Variants in EML4 observed in about 807,000 individuals in gnomAD.
The protein encoded by EML4 is EMAP like 4, also known as echinoderm microtubule-associated protein-like 4.
EML4 carries 72 observed loss-of-function variants against 129.0 expected under a neutral mutation model. The ratio of observed to expected loss-of-function variants is 0.56; its 90% confidence interval spans 0.46 to 0.68. The LOEUF is 0.68. EML4 is among the 30% of genes least tolerant of loss of function. The pLI is 0.00. For synonymous variants in EML4, 532 were observed against 405.0 expected (o/e 1.31, Z -3.77); for missense variants, 1,363 against 1,190.6 (o/e 1.14, Z -2.13).
intron 1 of EML4, 150 bp from the exon 2 acceptor site, chr2:42,245,355 C>G (rs1675329939): frequency 2.9e-6 from 2 of 682,344 alleles, no homozygotes; most frequent in Non-Finnish European, 2.4e-6. Flanking sequence ...CTTGGCCCCT[C>G]AAAGTTCTGG....
At chr2:42,269,548 T>G (rs1489178424) in intron 6 of EML4, among the ~76,000 whole-genome samples, 1 of 152,174 alleles carries the variant, frequency 6.6e-6, no homozygotes, top group African/African-American at 2.4e-5. Context: ...GAAGGTGATA[T>G]ATATGAGGAA....
intron 1 of EML4, among the ~76,000 whole-genome samples, chr2:42,190,376 G>A (rs1302871217): frequency 2.6e-5 from 4 of 152,068 alleles, no homozygotes; most frequent in South Asian, 2.1e-4. Context: ...CAAAAGAAAC[G>A]GTAGGGTTTG....
chr2:42,247,860 C>G lies in EML4; in HGVS notation c.208+2173C>G, dbSNP rs1448075786. Among the ~76,000 whole-genome samples the G allele has an allele frequency of 2.0e-5, 3 of 151,964 alleles. No homozygotes were observed. The East Asian group carries it at 5.8e-4, about 29-fold the overall frequency. ...TAAGCTTTGTATAGAGAGGGAAGAA[C>G]AAATTTCCTATATATAATATACAGA... On this transcript the variant is annotated intron_variant, in intron 2 of 22. Coordinates refer to ENST00000318522, the MANE Select transcript of EML4 (RefSeq NM_019063.5).
rs115998134 is a variant in EML4, at chr2:42,247,922, C to G, written c.208+2235C>G. On this transcript the variant is annotated intron_variant, in intron 2 of 22. Transcript: ENST00000318522. ...AGGGTACATATAAGTATTTTAAAACCTATAATAGAAAATGATAACGATGTT... is the reference window on the plus strand; with the variant it reads ...AGGGTACATATAAGTATTTTAAAACGTATAATAGAAAATGATAACGATGTT... Among the ~76,000 whole-genome samples, 1,304 of 152,082 alleles carry G rather than the reference C, an allele frequency of 8.6e-3. 16 individuals carry two copies. Among genetic ancestry groups the G allele is most frequent in the African/African-American group, 0.03 (1,238 of 41,492 alleles).
chr2:42,290,500 G>A (rs925529396), intron 11 of EML4, among the ~76,000 whole-genome samples: 2 of 151,708 alleles, frequency 1.3e-5, no homozygotes, highest in African/African-American at 4.8e-5. Flanking sequence ...GCCAAGGCAG[G>A]AGGATCACTT....
chr2:42,188,480 T>G (rs772608508), intron 1 of EML4, among the ~76,000 whole-genome samples: 10 of 151,970 alleles, frequency 6.6e-5, no homozygotes, highest in Non-Finnish European at 1.3e-4. Flanking sequence ...TCTCAGCCTC[T>G]CAAAGTGCTG....
chr2:42,305,208 T>C (rs375714833), intron 17 of EML4, among the ~76,000 whole-genome samples: 25 of 152,254 alleles, frequency 1.6e-4, no homozygotes, highest in African/African-American at 6.0e-4. Context: ...GGCCAGGAGT[T>C]TGAGACCAGC....
At chr2:42,313,867 G>T in intron 17 of EML4, among the ~76,000 whole-genome samples, 1 of 151,748 alleles carries the variant, frequency 6.6e-6, no homozygotes, top group Non-Finnish European at 1.5e-5. Context: ...GGCGGAGGTT[G>T]CAGTGAGCCG....
chr2:42,273,078 G>T (rs546483073), intron 6 of EML4, among the ~76,000 whole-genome samples: 2 of 152,146 alleles, frequency 1.3e-5, no homozygotes, highest in Admixed American at 6.5e-5. Context: ...GACATTTGAA[G>T]TTTCCTTTTC....
intron 1 of EML4, among the ~76,000 whole-genome samples, chr2:42,189,995 G>T (rs1403084973): frequency 1.3e-5 from 2 of 151,668 alleles, no homozygotes; most frequent in African/African-American, 4.8e-5. Context: ...ATCAAAATTG[G>T]GCTCTTTTTT....
chr2:42,322,940 A>C (rs940386394), intron 19 of EML4, among the ~76,000 whole-genome samples: 2 of 152,154 alleles, frequency 1.3e-5, no homozygotes, highest in African/African-American at 4.8e-5. Context: ...TCTTTTCTAA[A>C]TTTGGGGACT....
At chr2:42,275,204 A>G (rs1222654246) in intron 6 of EML4, among the ~76,000 whole-genome samples, 2 of 152,210 alleles carry the variant, frequency 1.3e-5, no homozygotes, top group African/African-American at 4.8e-5. Context: ...AAATACTGTC[A>G]TTTTGATGTG....
At position 42,303,142 on chromosome 2, in the gene EML4, A is replaced by G. The variant is rs770440922; in HGVS notation, c.1680A>G (p.Glu560=). 2 of 1,614,162 alleles carry G rather than the reference A, an allele frequency of 1.2e-6. No individual in the cohort carries two copies. The highest frequency in any genetic ancestry group is 1.7e-6 in the Non-Finnish European group (2 of 1,180,012). The part of the protein sequence containing the change: ...DQYGTIRAVA[E]GKADQFLVGT... ...ATGGCACAATCAGAGCTGTAGCAGA[A>G]GGAAAGGCAGATCAATTTTTAGTAG... Residue 560 remains glutamate (E), a synonymous_variant, in exon 15 of 23, where the codon GAA becomes GAG. Coordinates refer to ENST00000318522, the MANE Select transcript of EML4 (RefSeq NM_019063.5).
At chr2:42,183,631 T>C (rs1671079215) in intron 1 of EML4, among the ~76,000 whole-genome samples, 1 of 152,218 alleles carries the variant, frequency 6.6e-6, no homozygotes, top group Non-Finnish European at 1.5e-5. Flanking sequence ...GCTTCCATTC[T>C]CAGTTCCTTT....
chr2:42,269,985 C>T (rs1666277185), intron 6 of EML4, among the ~76,000 whole-genome samples: 1 of 152,140 alleles, frequency 6.6e-6, no homozygotes, highest in Admixed American at 6.5e-5. Flanking sequence ...CAGTTCTACA[C>T]TATGAGTTAG....
intron 11 of EML4, chr2:42,288,554 A>G (rs1002679258): frequency 2.8e-5 from 7 of 253,378 alleles, no homozygotes; most frequent in Non-Finnish European, 5.3e-5. Flanking sequence ...AGACATTACT[A>G]TAGTCCTGAA....
chr2:42,216,308 T>C (rs1673187825), intron 1 of EML4, among the ~76,000 whole-genome samples: 1 of 143,420 alleles, frequency 7.0e-6, no homozygotes, highest in Admixed American at 7.3e-5. Context: ...AGTGGCGCGA[T>C]CTTGGCTCAC....
At chr2:42,306,847 T>C (rs1668636517) in intron 17 of EML4, among the ~76,000 whole-genome samples, 1 of 152,074 alleles carries the variant, frequency 6.6e-6, no homozygotes, top group African/African-American at 2.4e-5. Context: ...AACATAGTGT[T>C]TATTAATATC....
intron 21 of EML4, among the ~76,000 whole-genome samples, chr2:42,327,987 A>G (rs555805726): frequency 6.6e-6 from 1 of 152,362 alleles, no homozygotes; most frequent in African/African-American, 2.4e-5. Context: ...GAGAAGCCTA[A>G]TAGGCCAGGA....
Sources: allele counts gnomAD v4.1 joint callset (sites outside exome capture counted in the v4.1 genomes callset), GRCh38; gene constraint gnomAD v4.1.1; transcripts MANE v1.5; gene names NCBI Gene and HGNC (gene_info 2026-07-23, HGNC 2026-07-21).